Variants in PPM1E observed in about 807,000 individuals in gnomAD.
PPM1E encodes the protein protein phosphatase 1E.
Under a neutral mutation model 65.9 loss-of-function variants are expected in PPM1E, and 20 were observed. The observed-to-expected ratio is 0.30, with a 90% CI of 0.21 to 0.44. The LOEUF is 0.44. Ranked by LOEUF, PPM1E falls within the 20% of genes least tolerant of loss-of-function variation. The pLI is 1.00. For missense variants in PPM1E, 713 were observed against 953.1 expected (o/e 0.75, Z 3.32); for synonymous variants, 352 against 374.9 (o/e 0.94, Z 0.70).
At chr17:58,824,571 G>A (rs2050513153) in intron 1 of PPM1E, among the ~76,000 whole-genome samples, 1 of 151,086 alleles carries the variant, frequency 6.6e-6, no homozygotes, top group African/African-American at 2.4e-5. Flanking sequence ...TGCTAATAAT[G>A]CTGTTGTTTG....
intron 1 of PPM1E, among the ~76,000 whole-genome samples, chr17:58,890,241 G>T (rs995047589): frequency 1.1e-4 from 16 of 152,244 alleles, no homozygotes; most frequent in African/African-American, 3.9e-4. Flanking sequence ...AAGGCCAAGA[G>T]TTAAGATTAT....
chr17:58,949,669 CTCTT>C (rs1486133643), intron 1 of PPM1E, among the ~76,000 whole-genome samples: 4 of 151,914 alleles, frequency 2.6e-5, no homozygotes, highest in African/African-American at 7.2e-5. Flanking sequence ...TTATTCCTTT[CTCTT>C]TCTTCTTTCT....
Position 58,980,113 on chromosome 17 carries a change from G to A in PPM1E, c.1350G>A (p.Val450=), listed in dbSNP as rs375055322. The change falls in exon 7 of 7, where the codon GTG becomes GTA. Residue 450 remains valine, a synonymous_variant. Transcript: ENST00000308249. This position sits in a 1 kb window ranked among gnomAD's most constrained non-coding sequence, Gnocchi z 4.7. ...TVNPDEAVKV[V]SDHLKENNGD... The stretch of plus-strand genomic sequence containing the variant: ...ACCCTGATGAGGCAGTGAAAGTTGT[G>A]TCCGACCACCTGAAAGAGAATAATG... 1.2e-6 allele frequency: 2 copies of A among 1,614,118 alleles called. No individual in the cohort carries two copies. Among genetic ancestry groups the A allele is most frequent in the East Asian group, 2.2e-5 (1 of 44,864 alleles).
chr17:58,811,057 C>T (rs1331336462), intron 1 of PPM1E, among the ~76,000 whole-genome samples: 1 of 152,060 alleles, frequency 6.6e-6, no homozygotes, highest in South Asian at 2.1e-4. Flanking sequence ...GGGGTTTCGC[C>T]ATGTTGACCA....
intron 1 of PPM1E, among the ~76,000 whole-genome samples, chr17:58,858,167 C>A (rs946246790): frequency 6.6e-6 from 1 of 151,882 alleles, no homozygotes; most frequent in African/African-American, 2.4e-5. Flanking sequence ...TTTTTTTGTA[C>A]TTTTTATTTT....
intron 1 of PPM1E, among the ~76,000 whole-genome samples, chr17:58,850,739 C>G (rs2050818490): frequency 6.6e-6 from 1 of 152,170 alleles, no homozygotes; most frequent in South Asian, 2.1e-4. Flanking sequence ...TTTGGTGAAT[C>G]TGACAATTAT....
At chr17:58,950,788 T>G (rs2052225662) in intron 1 of PPM1E, among the ~76,000 whole-genome samples, 1 of 147,610 alleles carries the variant, frequency 6.8e-6, no homozygotes, top group African/African-American at 2.5e-5. Flanking sequence ...TTTTTTTTTT[T>G]TTTTTTTTGA....
chr17:58,895,386 G>C (rs1598635526), intron 1 of PPM1E, among the ~76,000 whole-genome samples: 1 of 152,286 alleles, frequency 6.6e-6, no homozygotes, highest in South Asian at 2.1e-4. Flanking sequence ...ATTAAGTTTA[G>C]TGAGGAAAAC....
intron 1 of PPM1E, among the ~76,000 whole-genome samples, chr17:58,882,249 C>T (rs2051204494): frequency 6.6e-6 from 1 of 152,084 alleles, no homozygotes; most frequent in South Asian, 2.1e-4. Flanking sequence ...TCTTATTCCC[C>T]TCTCCAGAAA....
intron 1 of PPM1E, among the ~76,000 whole-genome samples, chr17:58,888,362 CTTTTTTTTTT>C (rs71367642): frequency 2.9e-5 from 3 of 104,490 alleles, no homozygotes; most frequent in African/African-American, 3.8e-5. Flanking sequence ...ACTCTTCTCT[CTTTTTTTTTT>C]TTTTTTTTTT....
chr17:58,870,844 C>T (rs945521306), intron 1 of PPM1E, among the ~76,000 whole-genome samples: 7 of 152,024 alleles, frequency 4.6e-5, no homozygotes, highest in Non-Finnish European at 1.0e-4. Flanking sequence ...GCATGATTAC[C>T]CAGACTTTAG....
At chr17:58,952,230 A>G (rs1320825688) in intron 1 of PPM1E, among the ~76,000 whole-genome samples, 1 of 152,228 alleles carries the variant, frequency 6.6e-6, no homozygotes, top group Non-Finnish European at 1.5e-5. Flanking sequence ...GGACATGTGC[A>G]TGCACATCAT....
intron 1 of PPM1E, among the ~76,000 whole-genome samples, chr17:58,855,680 TA>T (rs1208301136): frequency 1.3e-5 from 2 of 152,198 alleles, no homozygotes; most frequent in Non-Finnish European, 2.9e-5. Context: ...GTTAGGACCT[TA>T]AAGATAAATT....
intron 1 of PPM1E, among the ~76,000 whole-genome samples, chr17:58,757,668 T>C (rs892942250): frequency 2.6e-5 from 4 of 152,244 alleles, no homozygotes; most frequent in Non-Finnish European, 4.4e-5. Flanking sequence ...TCCAAGCTAA[T>C]AGACACCTGA....
Position 58,872,265 on chromosome 17 carries a change from C to T in PPM1E, c.465-83384C>T, listed in dbSNP as rs139948354. 4.1e-4 allele frequency among the ~76,000 whole-genome samples: 62 copies of T among 152,280 alleles called. 1 individual carries two copies. The highest frequency in any genetic ancestry group is 2.1e-3 in the South Asian group (10 of 4,812). ...TGAGCCGAGATTGCACCACTGCACT[C>T]CAGCCTGGGCCATAAAGTGAGAGGC... On this transcript the variant is annotated intron_variant, in intron 1 of 6. Coordinates refer to ENST00000308249, the MANE Select transcript of PPM1E (RefSeq NM_014906.5).
intron 1 of PPM1E, among the ~76,000 whole-genome samples, chr17:58,871,024 A>T (rs2051063186): frequency 6.6e-6 from 1 of 151,902 alleles, no homozygotes; most frequent in African/African-American, 2.4e-5. Flanking sequence ...ATCAGCTGTT[A>T]TGTGTGTTCA....
At chr17:58,971,398 C>T (rs2030611423) in intron 4 of PPM1E, among the ~76,000 whole-genome samples, 1 of 152,124 alleles carries the variant, frequency 6.6e-6, no homozygotes, top group Non-Finnish European at 1.5e-5. Flanking sequence ...AAGTCATGCT[C>T]ATTTGGTGGT....
chr17:58,905,899 T>A (rs923282016), intron 1 of PPM1E, among the ~76,000 whole-genome samples: 19 of 152,190 alleles, frequency 1.2e-4, no homozygotes, highest in Non-Finnish European at 4.4e-5. Context: ...AGAAATAGTA[T>A]AATTTATGCC....
rs1050454566 is a variant in PPM1E, at chr17:58,983,646, T to C, written c.*2615T>C. The C allele has an allele frequency of 3.9e-5, 6 of 152,676 alleles. No individual in the cohort carries two copies. Among genetic ancestry groups the C allele is most frequent in the Admixed American group, 3.9e-4 (6 of 15,280 alleles). The allele number at this position is 152,676 out of a possible 1,614,324, so 9.5% of individuals were successfully genotyped here. A position where few individuals can be genotyped will look rare whatever the true frequency, so the allele number is the denominator to read the frequency against. On this transcript the variant is annotated 3_prime_UTR_variant, in exon 7 of 7. Transcript: ENST00000308249. ...TATAAAAGTATCTATATAATATCTA[T>C]AAACTGTTAATGCTGAGGTATAGTC...
Sources: gnomAD v4.1 joint callset for allele counts (sites outside exome capture counted in the v4.1 genomes callset) on GRCh38, gnomAD v4.1.1 for gene constraint, Gnocchi (gnomAD v3.1) non-coding constraint, MANE v1.5 for transcripts, NCBI Gene and HGNC (gene_info 2026-07-23, HGNC 2026-07-21) for gene names.